The following ASTE1 variants were observed in gnomAD, a reference collection of about 807,000 sequenced individuals.
ASTE1 encodes the protein single-strand DNA endonuclease ASTE1.
Under a neutral mutation model 45.8 loss-of-function variants are expected in ASTE1, and 49 were observed. The ratio of observed to expected loss-of-function variants is 1.07; its 90% CI spans 0.85 to 1.36. The LOEUF (loss-of-function observed/expected upper bound fraction) is 1.36. ASTE1 is among the 40% of genes most tolerant of loss of function. The probability of loss-of-function intolerance (pLI) is 0.00; values close to 1 mark genes in which losing one functional copy is unlikely to be tolerated. For synonymous variants in ASTE1, 296 were observed against 303.9 expected (o/e 0.97, Z 0.27); for missense variants, 709 against 804.0 (o/e 0.88, Z 1.43).
chr3:131,016,876 T>C (rs1000723679), intron 4 of ASTE1: 2 of 724,604 alleles, frequency 2.8e-6, no homozygotes. Context: ...GCAACAATCC[T>C]AGGAAATAAG....
intron 3 of ASTE1, 132 bp downstream of exon 3, chr3:131,023,873 T>C: frequency 1.1e-6 from 1 of 923,362 alleles, no homozygotes; most frequent in Non-Finnish European, 1.6e-6. Flanking sequence ...CTAGATTTCT[T>C]AGCTACGACA....
intron 3 of ASTE1, among the ~76,000 whole-genome samples, chr3:131,020,750 C>T (rs968067022): frequency 6.6e-6 from 1 of 152,212 alleles, no homozygotes; most frequent in Non-Finnish European, 1.5e-5. Context: ...ACCATTAGCA[C>T]TGAGCTAAAT....
Position 131,025,073 on chromosome 3 carries a change from T to C in ASTE1, c.234A>G (p.Leu78=). 6.2e-7 allele frequency: 1 copy of C among 1,612,492 alleles called. No individual in the cohort carries two copies. The highest frequency in any genetic ancestry group is 8.5e-7 in the Non-Finnish European group (1 of 1,179,132). ...TATCTGAAATGTCACATCCTCCATC[T>C]AATACAACATATGGGCATATATTAC... ...FACNICPYVV[L]DGGCDISDKK... The change falls in exon 3 of 6, where the codon TTA becomes TTG. Residue 78 remains leucine, a synonymous_variant. Transcript: ENST00000264992.
Position 131,014,359 on chromosome 3 carries a change from G to A in ASTE1, c.1738C>T (p.Leu580=). 4 of 1,607,774 alleles carry A rather than the reference G, an allele frequency of 2.5e-6. No homozygotes were observed. Among genetic ancestry groups the A allele is most frequent in the Non-Finnish European group, 3.4e-6 (4 of 1,177,874 alleles). ...RLYSGSLVHG[L]CQQLLASTSV... The stretch of plus-strand genomic sequence containing the variant: ...GTCGATGCTAGCAGTTGCTGGCATA[G>A]TCCGTGCACCAGGCTTCCACTGTAC... Residue 580 remains leucine (L), a synonymous_variant, in exon 6 of 6, where the codon CTA becomes TTA. Coordinates refer to ENST00000264992, the MANE Select transcript of ASTE1 (RefSeq NM_014065.4).
chr3:131,013,883 T>G lies in ASTE1; in HGVS notation c.*174A>C. On this transcript the variant is annotated 3_prime_UTR_variant, in exon 6 of 6. Transcript: ENST00000264992. ...TTTAGAAATACAGAAGCTTCTTAAA[T>G]CAGGTTGTATTTATTAAAAACAAAA... 1.9e-6 allele frequency: 1 copy of G among 528,712 alleles called. No individual in the cohort carries two copies. The highest frequency in any genetic ancestry group is 3.3e-6 in the Non-Finnish European group (1 of 305,112). The allele number at this position is 528,712 out of a possible 1,614,324, so 32.8% of individuals were successfully genotyped here.
At chr3:131,015,190 A>T in intron 5 of ASTE1, 1 of 702,154 alleles carries the variant, frequency 1.4e-6, no homozygotes, top group South Asian at 1.5e-5. Flanking sequence ...ACCTTGAAAC[A>T]TGTAAAGTCC....
At position 131,015,362 on chromosome 3, in the gene ASTE1, C is replaced by T. The variant is rs902731262; in HGVS notation, c.1709+782G>A. On this transcript the variant is annotated intron_variant, in intron 5 of 5. Coordinates refer to ENST00000264992, the MANE Select transcript of ASTE1 (RefSeq NM_014065.4). ...ATCTCCTTTTTATCTTCATCTCTCC[C>T]TCAAGTACCTCCTGGATGGTCAATT... The T allele has an allele frequency of 6.5e-6, 4 of 611,850 alleles. No homozygotes were observed. The African/African-American group carries it at 7.4e-5, about 11-fold the overall frequency. The allele number at this position is 611,850 out of a possible 1,614,324, so 37.9% of individuals were successfully genotyped here. A position where few individuals can be genotyped will look rare whatever the true frequency, so the allele number is the denominator to read the frequency against.
chr3:131,021,835 G>A (rs1352788600), intron 3 of ASTE1, among the ~76,000 whole-genome samples: 1 of 152,064 alleles, frequency 6.6e-6, no homozygotes, highest in African/African-American at 2.4e-5. Context: ...TTATTTCTCA[G>A]TAAAGCCATT....
chr3:131,018,747 T>TA, intron 3 of ASTE1, 31 bp from the exon 4 acceptor site: 3 of 1,602,474 alleles, frequency 1.9e-6, no homozygotes, highest in Non-Finnish European at 2.6e-6. Flanking sequence ...TCCTGCAAGT[T>TA]ACTTTGGGAA....
Position 131,025,246 on chromosome 3 carries a change from A to T in ASTE1, c.61T>A (p.Leu21Met). The stretch of plus-strand genomic sequence containing the variant: ...ACAATTTTTGTGTCCCGCAACTTCA[A>T]ATCAGTGAAGAACTCATTACTATGA... ...EDHSNEFFTDLKLRDTKIVID... is the reference protein window; with the variant it reads ...EDHSNEFFTDMKLRDTKIVID... The change falls in exon 3 of 6, where the codon TTG becomes ATG. Residue 21 changes from leucine to methionine, a missense_variant. Coordinates refer to ENST00000264992, the MANE Select transcript of ASTE1 (RefSeq NM_014065.4). 1 of 1,614,222 alleles carries T rather than the reference A, an allele frequency of 6.2e-7. No homozygotes were observed. The highest frequency in any genetic ancestry group is 8.5e-7 in the Non-Finnish European group (1 of 1,180,030).
chr3:131,022,892 A>G (rs946905031), intron 3 of ASTE1, among the ~76,000 whole-genome samples: 1 of 152,018 alleles, frequency 6.6e-6, no homozygotes, highest in Non-Finnish European at 1.5e-5. Context: ...TGGGCTAGAG[A>G]TTCTTTGTTA....
intron 5 of ASTE1, 23 bp from the exon 6 acceptor site, chr3:131,014,410 ATGT>A: frequency 1.9e-6 from 3 of 1,539,300 alleles, no homozygotes; most frequent in Admixed American, 2.2e-5. Flanking sequence ...AGAAAAAAGT[ATGT>A]TGTTAAAGAA....
chr3:131,021,497 GTGT>G (rs975321179), intron 3 of ASTE1, among the ~76,000 whole-genome samples: 5 of 152,196 alleles, frequency 3.3e-5, no homozygotes, highest in African/African-American at 1.2e-4. Flanking sequence ...TAAAACTATT[GTGT>G]TGTTAAACAG....
intron 3 of ASTE1, 93 bp from the exon 4 acceptor site, chr3:131,018,809 GAAACTTCTGTCAGCTGTT>G: frequency 1.6e-6 from 2 of 1,250,636 alleles, no homozygotes; most frequent in South Asian, 1.4e-5. Flanking sequence ...TAATGCTACT[GAAACTTCTGTCAGCTGTT>G]AAACTTATCT....
intron 5 of ASTE1, chr3:131,015,856 A>T: frequency 2.0e-6 from 1 of 488,658 alleles, no homozygotes; most frequent in Non-Finnish European, 3.7e-6. Context: ...TATCCTACCA[A>T]TGATTGCCTC....
rs200808262 is a variant in ASTE1 at position 131,025,118 on chromosome 3, G to T, written c.189C>A (p.Phe63Leu). The T allele has an allele frequency of 1.7e-5, 28 of 1,613,966 alleles. No individual in the cohort carries two copies. Among genetic ancestry groups the T allele is most frequent in the Non-Finnish European group, 2.3e-5 (27 of 1,180,014 alleles). ...YDSFADVVQK[F>L]FESLFACNIC... is the part of the protein sequence containing the mutation. ...TATTACAAGCAAACAGTGATTCAAA[G>T]AATTTTTGTACAACATCTGCAAAAG... The change falls in exon 3 of 6, where the codon TTC becomes TTA. Residue 63 changes from phenylalanine to leucine, a missense_variant. Phe to Leu is a conservative substitution (Grantham distance 22, BLOSUM62 0). Coordinates refer to ENST00000264992, the MANE Select transcript of ASTE1 (RefSeq NM_014065.4).
rs1285086870 is a variant in ASTE1 at position 131,024,349 on chromosome 3, C to T, written c.958G>A (p.Ala320Thr). 1 of 1,614,126 alleles carries T rather than the reference C, an allele frequency of 6.2e-7. No homozygotes were observed. Among genetic ancestry groups the T allele is most frequent in the Non-Finnish European group, 8.5e-7 (1 of 1,180,056 alleles). The change falls in exon 3 of 6, where the codon GCC becomes ACC. Residue 320 changes from alanine to threonine, a missense_variant. Physicochemically the swap from Ala to Thr is moderately conservative, Grantham distance 58 (BLOSUM62 0). Transcript: ENST00000264992. ...FQCGTYVCPD[A>T]LNLGLPEWVL... is the part of the protein sequence containing the mutation. Reference sequence around the variant, plus strand: ...CATTCTGGTAAACCAAGATTCAAGGCATCTGGACAGACATAAGTACCACAC... The same window carrying T: ...CATTCTGGTAAACCAAGATTCAAGGTATCTGGACAGACATAAGTACCACAC...
chr3:131,015,032 AGAG>A, intron 5 of ASTE1: 1 of 518,708 alleles, frequency 1.9e-6, no homozygotes. Context: ...TGGTAACTAA[AGAG>A]GATCCAGTCA....
At position 131,014,166 on chromosome 3, in the gene ASTE1, C is replaced by G; in HGVS notation, c.1931G>C (p.Arg644Thr). Residue 644 changes from arginine (R) to threonine (T), a missense_variant, in exon 6 of 6, where the codon AGA becomes ACA. Coordinates refer to ENST00000264992, the MANE Select transcript of ASTE1 (RefSeq NM_014065.4). ...CTTGGTGTGTGCAGTGGTTCTCCCT[C>G]TGTTCTTAGAACAGCTGGTATTCTG... ...KKQNTSCSKN[R>T]GRTTAHTKCW... is the part of the protein sequence containing the mutation. 6.2e-7 allele frequency: 1 copy of G among 1,613,668 alleles called. No homozygotes were observed. Among genetic ancestry groups the G allele is most frequent in the Non-Finnish European group, 8.5e-7 (1 of 1,179,980 alleles).
Sources: allele counts gnomAD v4.1 joint callset (sites outside exome capture counted in the v4.1 genomes callset), GRCh38; gene constraint gnomAD v4.1.1; transcripts MANE v1.5; gene names NCBI Gene and HGNC (gene_info 2026-07-23, HGNC 2026-07-21).